Variants in KMT2D observed in about 807,000 individuals in gnomAD.
KMT2D encodes the protein lysine methyltransferase 2D, also known as histone-lysine N-methyltransferase 2D.
In KMT2D, 55 loss-of-function variants were observed where a neutral mutation model predicts 512.7. The observed-to-expected ratio is 0.11, with a 90% CI of 0.09 to 0.13. KMT2D has a LOEUF of 0.13. KMT2D is among the 10% of genes least tolerant of loss of function. The pLI is 1.00. For synonymous variants in KMT2D, 2,995 were observed against 2,904.0 expected (o/e 1.03, Z -1.01); for missense variants, 6,061 against 7,127.9 (o/e 0.85, Z 5.39).
rs1465683604 is a variant in KMT2D at position 49,052,751 on chromosome 12, G to A, written c.1113-42C>T. ...GGAGCAGGCACTGTGGCTCTCACCA[G>A]CTAACAAATCCTAGAGAGCACACTG... On this transcript the variant is annotated intron_variant, in intron 9 of 54. Coordinates refer to ENST00000301067, the MANE Select transcript of KMT2D (RefSeq NM_003482.4). 2.5e-6 allele frequency: 4 copies of A among 1,605,038 alleles called. 1 individual carries two copies. The highest frequency in any genetic ancestry group is 3.3e-4 in the Middle Eastern group (2 of 6,040).
At position 49,054,737 on chromosome 12, in the gene KMT2D, C is replaced by T. The variant is rs587778462; in HGVS notation, c.191G>A (p.Arg64Gln). 1.2e-6 allele frequency: 2 copies of T among 1,613,736 alleles called. No homozygotes were observed. Among genetic ancestry groups the T allele is most frequent in the Admixed American group, 1.7e-5 (1 of 60,000 alleles). The change falls in exon 4 of 55, where the codon CGG becomes CAG. Residue 64 changes from arginine to glutamine, a missense_variant. This residue lies in a region of KMT2D where 144 missense variants were observed against 165.7 expected (regional missense o/e 0.87). Coordinates refer to ENST00000301067, the MANE Select transcript of KMT2D (RefSeq NM_003482.4). The surrounding 1 kb of genome is among the most constrained non-coding windows in gnomAD (Gnocchi z 6.4). ...TPQDCSGGPV[R>Q]RCALCNCGEP... ...CCCGCAGTTACAGAGAGCACAACGCCGCACCGGACCCCCACTGTGGACACA... is the reference window on the plus strand; with the variant it reads ...CCCGCAGTTACAGAGAGCACAACGCTGCACCGGACCCCCACTGTGGACACA...
Position 49,052,093 on chromosome 12 carries a change from A to G in KMT2D, c.1590T>C (p.Pro530=), listed in dbSNP as rs2120681048. The part of the protein sequence containing the change: ...LSPPEESPPS[P]ALETPLSPPP... ...GTGGGGATAGAGGCGTCTCAAGTGC[A>G]GGAGATGGGGGTGACTCTTCCGGTG... Residue 530 remains proline, a synonymous_variant, in exon 11 of 55, where the codon CCT becomes CCC. Transcript: ENST00000301067. 2 of 1,609,306 alleles carry G rather than the reference A, an allele frequency of 1.2e-6. No individual in the cohort carries two copies. Among genetic ancestry groups the G allele is most frequent in the South Asian group, 1.1e-5 (1 of 90,864 alleles).
At position 49,028,932 on chromosome 12, in the gene KMT2D, C is replaced by G. The variant is rs1416337623; in HGVS notation, c.14278G>C (p.Ala4760Pro). The change falls in exon 46 of 55, where the codon GCC becomes CCC. Residue 4760 changes from alanine to proline, a missense_variant. Coordinates refer to ENST00000301067, the MANE Select transcript of KMT2D (RefSeq NM_003482.4). The stretch of plus-strand genomic sequence containing the variant: ...TTTCCAGGGACCTCCAGGCCAAGGG[C>G]CCCATAAGGTTTGGTATCTGGGAAG... ...PVFPDTKPYG[A>P]LGLEVPGKLP... 7 of 1,613,992 alleles carry G rather than the reference C, an allele frequency of 4.3e-6. No homozygotes were observed. The highest frequency in any genetic ancestry group is 5.1e-6 in the Non-Finnish European group (6 of 1,179,880).
rs1453232417 is a variant in KMT2D, at chr12:49,038,423, G to A, written c.8933C>T (p.Pro2978Leu). 1.4e-5 allele frequency: 23 copies of A among 1,613,230 alleles called. No individual in the cohort carries two copies. Among genetic ancestry groups the A allele is most frequent in the Non-Finnish European group, 1.8e-5 (21 of 1,179,430 alleles). The change falls in exon 35 of 55, where the codon CCT (proline) becomes CTT (leucine). Residue 2978 changes from proline to leucine, a missense_variant. By Grantham distance (98) the Pro-to-Leu change is moderately conservative (BLOSUM62 -3). Transcript: ENST00000301067. This position sits in a 1 kb window ranked among gnomAD's most constrained non-coding sequence, Gnocchi z 5.7. ...CAACTTCCCAGCTTCCAGGGCCAGA[G>A]GATTGGGGCGGCCAAGCTCAGTGCT... Reference protein sequence around the residue: ...PSSTELGRPNPLALEAGKLPC... With the variant: ...PSSTELGRPNLLALEAGKLPC...
Position 49,060,101 on chromosome 12 carries a change from A to G in KMT2D, c.-526T>C, listed in dbSNP as rs1262465425. Among the ~76,000 whole-genome samples, 1 of 150,326 alleles carries G rather than the reference A, an allele frequency of 6.7e-6. No homozygotes were observed. Among genetic ancestry groups the G allele is most frequent in the African/African-American group, 2.5e-5 (1 of 40,814 alleles). On this transcript the variant is annotated 5_prime_UTR_variant, in exon 1 of 55. Coordinates refer to ENST00000301067, the MANE Select transcript of KMT2D (RefSeq NM_003482.4). ...GGATGGAACGTGAGACCCTCGCAGG[A>G]GCGCCGAGCCCCTCTCCCCGCCCCG...
rs1938536245 is a variant in KMT2D at position 49,058,362 on chromosome 12, C to T, written c.-38+1251G>A. On this transcript the variant is annotated intron_variant, in intron 1 of 54. Transcript: ENST00000301067. ...CCACTACCCCTGTGCCACCTCTCAC[C>T]TTTCAGAAATCTTTAAAAGGCAAAA... 2.6e-5 allele frequency among the ~76,000 whole-genome samples: 4 copies of T among 152,224 alleles called. No individual in the cohort carries two copies. In the South Asian group the frequency reaches 8.3e-4, roughly 31 times the overall value.
At position 49,022,852 on chromosome 12, in the gene KMT2D, C is replaced by T. The variant is rs2137707802; in HGVS notation, c.16076G>A (p.Ser5359Asn). ...GGTGCTCTGATATGCCTTAGACATG[C>T]TGGTGCTGTTCAGGGTATGGGGCCT... is the stretch of plus-strand genomic sequence containing the variant. ...YKRPHTLNST[S>N]MSKAYQSTFT... Residue 5359 changes from serine to asparagine, a missense_variant, in exon 52 of 55, where the codon AGC becomes AAC. By Grantham distance (46) the Ser-to-Asn change is conservative. Coordinates refer to ENST00000301067, the MANE Select transcript of KMT2D (RefSeq NM_003482.4). This position sits in a 1 kb window ranked among gnomAD's most constrained non-coding sequence, Gnocchi z 8.6. 6.2e-7 allele frequency: 1 copy of T among 1,607,664 alleles called. No homozygotes were observed. Among genetic ancestry groups the T allele is most frequent in the Non-Finnish European group, 8.5e-7 (1 of 1,175,446 alleles).
intron 35 of KMT2D, among the ~76,000 whole-genome samples, chr12:49,036,524 T>G (rs1357963880): frequency 1.4e-5 from 2 of 146,504 alleles, no homozygotes; most frequent in Non-Finnish European, 3.0e-5. Context: ...GTTTCGCTCT[T>G]GTTGCCCAGG....
Position 49,040,335 on chromosome 12 carries a change from A to G in KMT2D, c.7435T>C (p.Phe2479Leu), listed in dbSNP as rs1943449105. ...GTGTGGGCTAGAGACCCAGCCTTAA[A>G]GGCAACTTCAGGGGGCTGGGGTCGG... Reference protein sequence around the residue: ...PPRPQPPEVAFKAGSLAHTSL... With the variant: ...PPRPQPPEVALKAGSLAHTSL... Residue 2479 changes from phenylalanine (F) to leucine (L), a missense_variant, in exon 32 of 55, where the codon TTT (phenylalanine) becomes CTT (leucine). This residue lies in a region of KMT2D where 710 missense variants were observed against 647.3 expected (regional missense o/e 1.10). Transcript: ENST00000301067. 1.3e-6 allele frequency: 2 copies of G among 1,570,482 alleles called. No individual in the cohort carries two copies. The highest frequency in any genetic ancestry group is 1.7e-6 in the Non-Finnish European group (2 of 1,157,972).
Position 49,019,560 on chromosome 12 carries a change from C to A in KMT2D, c.*2220G>T. The A allele has an allele frequency of 8.8e-6, 2 of 228,082 alleles. No individual in the cohort carries two copies. The highest frequency in any genetic ancestry group is 1.3e-4 in the East Asian group (2 of 15,928). The allele number at this position is 228,082 out of a possible 1,614,324, so 14.1% of individuals were successfully genotyped here. A position where few individuals can be genotyped will look rare whatever the true frequency, so the allele number is the denominator to read the frequency against. On this transcript the variant is annotated 3_prime_UTR_variant, in exon 55 of 55. Coordinates refer to ENST00000301067, the MANE Select transcript of KMT2D (RefSeq NM_003482.4). ...CATATGCTTACAAAGTCTGCCCCAT[C>A]CCCTTTTCCCAATCCCAGGGCCCAA...
rs529665353 is a variant in KMT2D, at chr12:49,051,394, C to T, written c.2289G>A (p.Pro763=). The T allele has an allele frequency of 3.0e-5, 46 of 1,551,792 alleles. No homozygotes were observed. Among genetic ancestry groups the T allele is most frequent in the African/African-American group, 4.9e-5 (3 of 60,656 alleles). Residue 763 remains proline, a synonymous_variant, in exon 11 of 55, where the codon CCG becomes CCA. Coordinates refer to ENST00000301067, the MANE Select transcript of KMT2D (RefSeq NM_003482.4). ...SPRPEEPHLS[P]QAEEPHLSPQ... is the part of the protein sequence containing the mutation. ...GGGACAGGTGTGGCTCCTCAGCCTG[C>T]GGAGATAGGTGTGGCTCCTCAGGCC...
rs1395282998 is a variant in KMT2D at position 49,019,462 on chromosome 12, T to TTA, written c.*2316_*2317dup. 1 of 223,348 alleles carries TTA rather than the reference T, an allele frequency of 4.5e-6. No homozygotes were observed. Among genetic ancestry groups the TTA allele is most frequent in the African/African-American group, 2.2e-5 (1 of 44,602 alleles). The allele number at this position is 223,348 out of a possible 1,614,324, so 13.8% of individuals were successfully genotyped here. ...TCCAACCTTGTAGCTTGGGTCTGAG[T>TTA]TATAGTTTATATAAAAATTAAAAAC... On this transcript the variant is annotated 3_prime_UTR_variant, in exon 55 of 55. Transcript: ENST00000301067.
Position 49,034,571 on chromosome 12 carries a change from T to A in KMT2D, c.10440+11A>T. 1 of 1,613,250 alleles carries A rather than the reference T, an allele frequency of 6.2e-7. No individual in the cohort carries two copies. The highest frequency in any genetic ancestry group is 8.5e-7 in the Non-Finnish European group (1 of 1,179,580). On this transcript the variant is annotated intron_variant, in intron 37 of 54. Coordinates refer to ENST00000301067, the MANE Select transcript of KMT2D (RefSeq NM_003482.4). ...TAAGACACAAGTTCCTACTCCCACC[T>A]GACCACTTACCTGGCCACTCCCAGC...
chr12:49,054,931 G>T lies in KMT2D; in HGVS notation c.145C>A (p.Pro49Thr), dbSNP rs372067643. ...GEVSVLSSGSPRLQETPQDCS... is the reference protein window; with the variant it reads ...GEVSVLSSGSTRLQETPQDCS... The stretch of plus-strand genomic sequence containing the variant: ...TCCTGAGGAGTCTCCTGAAGCCTGG[G>T]ACTCCCAGAACTAAGGACAGAGACC... Residue 49 changes from proline to threonine, a missense_variant, in exon 3 of 55, where the codon CCC becomes ACC. By Grantham distance (38) the Pro-to-Thr change is conservative. Around this residue, in one of 16 missense-constraint regions of KMT2D, gnomAD observed 144 missense variants for 165.7 expected, o/e 0.87. Coordinates refer to ENST00000301067, the MANE Select transcript of KMT2D (RefSeq NM_003482.4). The surrounding 1 kb of genome is among the most constrained non-coding windows in gnomAD (Gnocchi z 6.4). 1.3e-5 allele frequency: 21 copies of T among 1,613,854 alleles called. No homozygotes were observed. The African/African-American group carries it at 2.5e-4, about 19-fold the overall frequency.
intron 13 of KMT2D, 53 bp downstream of exon 13, chr12:49,049,050 CAG>C: frequency 8.9e-7 from 1 of 1,125,300 alleles, no homozygotes; most frequent in Non-Finnish European, 1.3e-6. Context: ...TGGCAGGACT[CAG>C]AGGGTGCTAA....
chr12:49,021,906 C>T (rs1942344870), intron 54 of KMT2D, 34 bp from the exon 55 acceptor site: 1 of 1,588,184 alleles, frequency 6.3e-7, no homozygotes, highest in Non-Finnish European at 8.6e-7. Flanking sequence ...CAATGCTAGT[C>T]CCCCACAGGA....
rs1207972485 is a variant in KMT2D at position 49,052,131 on chromosome 12, ACTC to A, written c.1549_1551del (p.Glu517del). 6.2e-7 allele frequency: 1 copy of A among 1,604,454 alleles called. No homozygotes were observed. The highest frequency in any genetic ancestry group is 8.5e-7 in the Non-Finnish European group (1 of 1,177,482). ...GACTCTTCCGGTGGAGACAAGGGCGACTCCTCCAGTGGAGAAAAAGGTGATGAT... is the reference window on the plus strand; with the variant it reads ...GACTCTTCCGGTGGAGACAAGGGCGACTCCAGTGGAGAAAAAGGTGATGAT... On this transcript the variant is annotated inframe_deletion, in exon 11 of 55. Transcript: ENST00000301067.
rs201694574 is a variant in KMT2D at position 49,044,307 on chromosome 12, A to G, written c.5084-3T>C. 8 of 1,613,874 alleles carry G rather than the reference A, an allele frequency of 5.0e-6. No individual in the cohort carries two copies. In the East Asian group the frequency reaches 6.7e-5, roughly 13 times the overall value. The stretch of plus-strand genomic sequence containing the variant: ...TCGCACCATGAAACCACCAATGCCT[A>G]TGAGGAGGCAGAGTTGTGGATGAGA... On this transcript the variant is annotated splice_region_variant and splice_polypyrimidine_tract_variant and intron_variant, in intron 21 of 54. Coordinates refer to ENST00000301067, the MANE Select transcript of KMT2D (RefSeq NM_003482.4). This position sits in a 1 kb window ranked among gnomAD's most constrained non-coding sequence, Gnocchi z 6.4.
Position 49,038,283 on chromosome 12 carries a change from G to A in KMT2D, c.9073C>T (p.Leu3025Phe), listed in dbSNP as rs2120493532. 1 of 1,613,870 alleles carries A rather than the reference G, an allele frequency of 6.2e-7. No individual in the cohort carries two copies. Among genetic ancestry groups the A allele is most frequent in the East Asian group, 2.2e-5 (1 of 44,880 alleles). Residue 3025 changes from leucine (L) to phenylalanine (F), a missense_variant, in exon 35 of 55, where the codon CTT becomes TTT. Leu to Phe is a conservative substitution (Grantham distance 22, BLOSUM62 0). Transcript: ENST00000301067. The surrounding 1 kb of genome is among the most constrained non-coding windows in gnomAD (Gnocchi z 5.7). ...GVDVAKGDDE[L>F]GTLENLETND... ...GTCTCCAGGTTTTCTAAGGTGCCAAGTTCATCATCACCCTTGGCCACATCC... is the reference window on the plus strand; with the variant it reads ...GTCTCCAGGTTTTCTAAGGTGCCAAATTCATCATCACCCTTGGCCACATCC...
Sources: allele counts gnomAD v4.1 joint callset (sites outside exome capture counted in the v4.1 genomes callset), GRCh38; gene constraint gnomAD v4.1.1; regional missense constraint gnomAD v4.1.1; non-coding constraint Gnocchi (gnomAD v3.1); transcripts MANE v1.5; gene names NCBI Gene and HGNC (gene_info 2026-07-23, HGNC 2026-07-21).